The following PRPSAP2 variants were observed in gnomAD, a reference collection of about 807,000 sequenced individuals.
PRPSAP2 encodes phosphoribosyl pyrophosphate synthetase associated protein 2, also known as phosphoribosyl pyrophosphate synthase-associated protein 2.
Under a neutral mutation model 40.6 loss-of-function variants are expected in PRPSAP2, and 24 were observed. The ratio of observed to expected loss-of-function variants is 0.59; its 90% CI spans 0.43 to 0.83. The LOEUF (loss-of-function observed/expected upper bound fraction) is 0.83, where lower values mean the gene tolerates loss of function less well. PRPSAP2 is among the 40% of genes least tolerant of loss of function. The probability of loss-of-function intolerance (pLI) is 0.00; values close to 1 mark genes in which losing one functional copy is unlikely to be tolerated. For synonymous variants in PRPSAP2, 149 were observed against 164.7 expected, an observed-to-expected ratio of 0.90 and a Z score of 0.73; for missense variants, 292 against 465.6, an observed-to-expected ratio of 0.63 and a Z score of 3.43.
chr17:18,873,270 C>T (rs1281044897), intron 5 of PRPSAP2, among the ~76,000 whole-genome samples: 4 of 150,132 alleles, frequency 2.7e-5, no homozygotes, highest in East Asian at 3.9e-4. Context: ...CTCGGCTTAC[C>T]GCAACCTCAG....
chr17:18,871,653 CTT>C (rs142523345), intron 4 of PRPSAP2, among the ~76,000 whole-genome samples: 1 of 129,784 alleles, frequency 7.7e-6, no homozygotes, highest in African/African-American at 2.8e-5. Context: ...ATATAATTTT[CTT>C]TTTTTTTTTT....
chr17:18,929,294 C>T (rs992150766), intron 11 of PRPSAP2, among the ~76,000 whole-genome samples: 7 of 151,888 alleles, frequency 4.6e-5, no homozygotes, highest in African/African-American at 1.7e-4. Context: ...AGGGCAGTGG[C>T]TGCAGTGAGC....
At chr17:18,903,595 G>A (rs921222666) in intron 8 of PRPSAP2, among the ~76,000 whole-genome samples, 2 of 152,046 alleles carry the variant, frequency 1.3e-5, no homozygotes, top group Non-Finnish European at 2.9e-5. Flanking sequence ...TTAGCCGGGT[G>A]TGGTGGCGTG....
intron 1 of PRPSAP2, among the ~76,000 whole-genome samples, chr17:18,862,466 TC>T (rs57766245): frequency 3.5e-4 from 53 of 151,376 alleles, no homozygotes; most frequent in African/African-American, 1.3e-3. Context: ...AAAATGCCCC[TC>T]CCCCCATGGC....
At chr17:18,863,990 C>T (rs1221696742) in intron 1 of PRPSAP2, among the ~76,000 whole-genome samples, 1 of 151,630 alleles carries the variant, frequency 6.6e-6, no homozygotes, top group Non-Finnish European at 1.5e-5. Context: ...CAGGCATGTA[C>T]CACCATGCCT....
chr17:18,863,777 A>T (rs1597506699), intron 1 of PRPSAP2, among the ~76,000 whole-genome samples: 1 of 132,032 alleles, frequency 7.6e-6, no homozygotes, highest in African/African-American at 2.9e-5. Context: ...CAGGTGATCC[A>T]CCCACCTCGG....
intron 8 of PRPSAP2, among the ~76,000 whole-genome samples, chr17:18,905,243 C>T (rs1197092199): frequency 6.6e-6 from 1 of 152,118 alleles, no homozygotes; most frequent in Non-Finnish European, 1.5e-5. Context: ...CCAGGCTGGT[C>T]TCAAACTCCT....
chr17:18,928,729 C>T, intron 10 of PRPSAP2, 82 bp from the exon 11 acceptor site: 1 of 1,572,266 alleles, frequency 6.4e-7, no homozygotes, highest in South Asian at 1.1e-5. Context: ...TAAATGTAGG[C>T]AGACCCTTTT....
chr17:18,890,158 A>T (rs1448013857), intron 8 of PRPSAP2, among the ~76,000 whole-genome samples: 1 of 149,474 alleles, frequency 6.7e-6, no homozygotes, highest in Non-Finnish European at 1.5e-5. Context: ...TATTATTATT[A>T]TTTATTTTAT....
chr17:18,888,977 T>TGG (rs1174065396), intron 7 of PRPSAP2, among the ~76,000 whole-genome samples: 2 of 152,264 alleles, frequency 1.3e-5, no homozygotes, highest in Admixed American at 1.3e-4. Flanking sequence ...GGTTCTGTCT[T>TGG]TTCTTGGCTG....
intron 4 of PRPSAP2, among the ~76,000 whole-genome samples, chr17:18,870,122 C>T (rs1180243997): frequency 2.6e-5 from 4 of 152,088 alleles, no homozygotes; most frequent in Non-Finnish European, 5.9e-5. Flanking sequence ...TATTTTCCTA[C>T]ATTTTTAATG....
chr17:18,918,981 G>A (rs1249392649), intron 9 of PRPSAP2, among the ~76,000 whole-genome samples: 1 of 152,090 alleles, frequency 6.6e-6, no homozygotes, highest in Non-Finnish European at 1.5e-5. Context: ...AATTGCATAT[G>A]TGGCTTTCAT....
At chr17:18,883,033 G>A (rs889951126) in intron 7 of PRPSAP2, among the ~76,000 whole-genome samples, 1 of 152,040 alleles carries the variant, frequency 6.6e-6, no homozygotes, top group Non-Finnish European at 1.5e-5. Flanking sequence ...ATAATAGCCA[G>A]CATCCATGAT....
intron 8 of PRPSAP2, among the ~76,000 whole-genome samples, chr17:18,902,869 C>CAAAAA (rs58345106): frequency 6.8e-5 from 5 of 73,304 alleles, no homozygotes; most frequent in East Asian, 5.1e-4. Flanking sequence ...AACTCCATCT[C>CAAAAA]AAAAAAAAAA....
At chr17:18,893,337 G>T (rs2039698943) in intron 8 of PRPSAP2, among the ~76,000 whole-genome samples, 1 of 151,928 alleles carries the variant, frequency 6.6e-6, no homozygotes, top group South Asian at 2.1e-4. Context: ...TTTTAGTAGA[G>T]ATGGAGTTTC....
At chr17:18,857,519 T>C (rs1318888580), upstream of PRPSAP2, among the ~76,000 whole-genome samples, 1 of 151,450 alleles carries the variant, frequency 6.6e-6, no homozygotes. Flanking sequence ...GTTCAAGCGA[T>C]TCTCCTGCCT....
intron 4 of PRPSAP2, 85 bp downstream of exon 4, chr17:18,867,419 C>T (rs781726722): frequency 1.7e-5 from 25 of 1,480,178 alleles, no homozygotes; most frequent in Admixed American, 5.2e-5. Flanking sequence ...ACTATTGAAA[C>T]GATTTGATTC....
At position 18,882,738 on chromosome 17, in the gene PRPSAP2, A is replaced by G. The variant is rs2038853362; in HGVS notation, c.528+55A>G. ...CATTCTGATTAAGGTTGAAAGATGT[A>G]TTTCCATTTCCTTAGGATACCCCTA... is the stretch of plus-strand genomic sequence containing the variant. On this transcript the variant is annotated intron_variant, in intron 7 of 11. Transcript: ENST00000268835. 3 of 1,173,658 alleles carry G rather than the reference A, an allele frequency of 2.6e-6. No homozygotes were observed. The African/African-American group carries it at 4.6e-5, about 18-fold the overall frequency. The allele number at this position is 1,173,658 out of a possible 1,614,324, so 72.7% of individuals were successfully genotyped here.
chr17:18,882,519 AAAAC>A, intron 6 of PRPSAP2, 45 bp from the exon 7 acceptor site: 1 of 1,302,276 alleles, frequency 7.7e-7, no homozygotes, highest in Non-Finnish European at 1.1e-6. Flanking sequence ...TTAAAAAAAA[AAAAC>A]AAAAACAAAA....
Sources: allele counts gnomAD v4.1 joint callset (sites outside exome capture counted in the v4.1 genomes callset), GRCh38; gene constraint gnomAD v4.1.1; transcripts MANE v1.5; gene names NCBI Gene and HGNC (gene_info 2026-07-23, HGNC 2026-07-21).